SPATA1: variants seen among roughly 807,000 people sequenced by gnomAD.
SPATA1 encodes spermatogenesis associated 1.
In SPATA1, 57 loss-of-function variants were observed where a neutral mutation model predicts 59.6. The ratio of observed to expected loss-of-function variants is 0.96; its 90% CI spans 0.77 to 1.19. The LOEUF is 1.19. Among genes scored for constraint, SPATA1 ranks in the 50% most tolerant of loss-of-function variants. The pLI is 0.00. For missense variants in SPATA1, 448 were observed against 480.7 expected, an observed-to-expected ratio of 0.93 and a Z score of 0.64; for synonymous variants, 147 against 163.9, an observed-to-expected ratio of 0.90 and a Z score of 0.79.
intron 1 of SPATA1, among the ~76,000 whole-genome samples, chr1:84,514,291 C>G (rs376567945): frequency 4.6e-5 from 7 of 152,264 alleles, no homozygotes; most frequent in African/African-American, 1.7e-4. Context: ...CAGCATTGGT[C>G]TCATCAGAAA....
At chr1:84,556,500 C>T (rs1360199779), downstream of SPATA1, among the ~76,000 whole-genome samples, 1 of 151,700 alleles carries the variant, frequency 6.6e-6, no homozygotes, top group Non-Finnish European at 1.5e-5. Flanking sequence ...ATCATGAGGT[C>T]GAGAGATCGA....
chr1:84,542,910 C>G (rs954513486), intron 8 of SPATA1, among the ~76,000 whole-genome samples: 1 of 152,110 alleles, frequency 6.6e-6, no homozygotes, highest in African/African-American at 2.4e-5. Flanking sequence ...TGCCTGAAAA[C>G]ACAGATAGAA....
intron 6 of SPATA1, among the ~76,000 whole-genome samples, chr1:84,526,855 G>A (rs1170107906): frequency 1.0e-4 from 13 of 123,898 alleles, no homozygotes; most frequent in Admixed American, 9.2e-5. Context: ...GTGACAGAGC[G>A]AGACTTTGTC....
At chr1:84,525,455 T>C (rs760932453) in intron 4 of SPATA1, among the ~76,000 whole-genome samples, 1 of 152,186 alleles carries the variant, frequency 6.6e-6, no homozygotes, top group Non-Finnish European at 1.5e-5. Flanking sequence ...GCCAGGGACA[T>C]AGTAAGTCCA....
At chr1:84,509,515 G>T (rs1026830568) in intron 1 of SPATA1, among the ~76,000 whole-genome samples, 1 of 152,250 alleles carries the variant, frequency 6.6e-6, no homozygotes, top group African/African-American at 2.4e-5. Flanking sequence ...TGTAATCCCA[G>T]CACTTTGGGA....
intron 10 of SPATA1, among the ~76,000 whole-genome samples, chr1:84,548,277 T>A (rs1446321711): frequency 6.6e-6 from 1 of 151,958 alleles, no homozygotes; most frequent in African/African-American, 2.4e-5. Context: ...ATTAAGTTTG[T>A]ATTTAGAATC....
intron 12 of SPATA1, 108 bp downstream of exon 12, chr1:84,550,638 T>C: frequency 1.6e-6 from 2 of 1,284,240 alleles, no homozygotes; most frequent in Non-Finnish European, 2.0e-6. Flanking sequence ...CAGGATTGAC[T>C]GTATTAAAAT....
chr1:84,535,409 A>G (rs1683637931), intron 8 of SPATA1, among the ~76,000 whole-genome samples: 1 of 152,152 alleles, frequency 6.6e-6, no homozygotes, highest in South Asian at 2.1e-4. Flanking sequence ...ATCACCGTGA[A>G]TCTGTCAATC....
chr1:84,532,862 G>T, exon 7 of SPATA1: 1 of 1,547,946 alleles, frequency 6.5e-7, no homozygotes, highest in Non-Finnish European at 8.7e-7. Context: ...AACATCAGCT[G>T]GGGGAAAAGC....
intron 9 of SPATA1, among the ~76,000 whole-genome samples, 190 bp from the exon 10 acceptor site, chr1:84,545,444 C>T (rs2102000713): frequency 6.6e-6 from 1 of 152,050 alleles, no homozygotes; most frequent in Middle Eastern, 3.4e-3. Context: ...TTATATATCA[C>T]TCTTGGAAAC....
chr1:84,555,007 G>C (rs1245977786), downstream of SPATA1: 2 of 1,613,176 alleles, frequency 1.2e-6, no homozygotes, highest in Non-Finnish European at 1.7e-6. Flanking sequence ...GTTCATCTCT[G>C]TAACAGCTTT....
intron 6 of SPATA1, among the ~76,000 whole-genome samples, chr1:84,529,858 CTTTT>C (rs71582921): frequency 8.5e-6 from 1 of 117,520 alleles, no homozygotes; most frequent in Admixed American, 8.6e-5. Flanking sequence ...AGCCTAAACT[CTTTT>C]TTTTTTTTTT....
downstream of SPATA1, among the ~76,000 whole-genome samples, chr1:84,566,386 G>T (rs2911587): frequency 0.018 from 2,788 of 152,234 alleles, 78 homozygotes; most frequent in African/African-American, 0.062. Flanking sequence ...CACACTAAAA[G>T]AATTCAAATA....
downstream of SPATA1, among the ~76,000 whole-genome samples, chr1:84,559,203 C>A (rs1395516183): frequency 6.6e-6 from 1 of 152,148 alleles, no homozygotes; most frequent in Non-Finnish European, 1.5e-5. Flanking sequence ...TTTGGCAATT[C>A]TTAAAATATT....
chr1:84,536,514 G>A (rs1398667825), intron 8 of SPATA1, among the ~76,000 whole-genome samples: 4 of 152,202 alleles, frequency 2.6e-5, no homozygotes, highest in Non-Finnish European at 4.4e-5. Flanking sequence ...CGCTATGTCC[G>A]CTCACTGCAA....
chr1:84,518,967 A>G (rs1682904772), intron 2 of SPATA1, among the ~76,000 whole-genome samples: 1 of 152,032 alleles, frequency 6.6e-6, no homozygotes, highest in Non-Finnish European at 1.5e-5. Context: ...TTTTTAAAAA[A>G]TTTTAAAAAT....
chr1:84,537,515 T>G (rs1442034663), intron 8 of SPATA1, among the ~76,000 whole-genome samples: 6 of 152,168 alleles, frequency 3.9e-5, no homozygotes, highest in Non-Finnish European at 7.4e-5. Flanking sequence ...CTTAGCCAGT[T>G]TACATACCCA....
intron 4 of SPATA1, among the ~76,000 whole-genome samples, chr1:84,525,102 G>A (rs926564742): frequency 7.2e-5 from 11 of 152,038 alleles, no homozygotes; most frequent in African/African-American, 2.4e-4. Context: ...TCAGCCTCCC[G>A]AGTAGCTGGG....
chr1:84,522,362 A>G (rs1227408293), intron 3 of SPATA1, 28 bp from the exon 4 acceptor site: 11 of 1,302,624 alleles, frequency 8.4e-6, no homozygotes, highest in Admixed American at 2.6e-5. Flanking sequence ...TTCATTTTAT[A>G]TTATAAGGCA....
Sources: allele counts gnomAD v4.1 joint callset (sites outside exome capture counted in the v4.1 genomes callset), GRCh38; gene constraint gnomAD v4.1.1; transcripts MANE v1.5; gene names NCBI Gene and HGNC (gene_info 2026-07-23, HGNC 2026-07-21).